Variants in TBC1D14 observed in about 807,000 individuals in gnomAD.
TBC1D14 encodes the protein TBC1 domain family member 14, also known as TBC1 domain family, member 14.
A neutral mutation model predicts 79.0 loss-of-function variants in TBC1D14; 26 were observed. The ratio of observed to expected loss-of-function variants is 0.33; its 90% confidence interval spans 0.24 to 0.46. The LOEUF (loss-of-function observed/expected upper bound fraction) is 0.46. TBC1D14 is among the 20% of genes least tolerant of loss of function. The probability of loss-of-function intolerance (pLI) is 1.00; values close to 1 mark genes in which losing one functional copy is unlikely to be tolerated. For missense variants in TBC1D14, 769 were observed against 887.6 expected, an observed-to-expected ratio of 0.87 and a Z score of 1.70; for synonymous variants, 394 against 349.9, an observed-to-expected ratio of 1.13 and a Z score of -1.40.
rs1169342413 is a variant in TBC1D14 at position 7,031,791 on chromosome 4, AC to A, written c.*1403del. 1 of 152,078 alleles carries A rather than the reference AC, an allele frequency of 6.6e-6. No homozygotes were observed. Among genetic ancestry groups the A allele is most frequent in the Non-Finnish European group, 1.5e-5 (1 of 68,158 alleles). 9.4% of individuals were successfully genotyped at this position (152,078 alleles called of 1,614,324 possible). On this transcript the variant is annotated 3_prime_UTR_variant, in exon 14 of 14. Transcript: ENST00000409757. ...ACGGCCCTTCTCAGCCACACTTCCC[AC>A]CCCAGGGGGTGCCCCCAGGCTGATC...
At chr4:6,956,360 A>C (rs1714638395) in intron 2 of TBC1D14, among the ~76,000 whole-genome samples, 1 of 152,170 alleles carries the variant, frequency 6.6e-6, no homozygotes, top group Admixed American at 6.6e-5. Context: ...CACATCTTCT[A>C]TTCCAAGAGA....
intron 2 of TBC1D14, among the ~76,000 whole-genome samples, chr4:6,936,909 T>A (rs562943231): frequency 9.3e-4 from 142 of 152,176 alleles, no homozygotes; most frequent in African/African-American, 2.9e-3. Context: ...TTTTTTTTTT[T>A]ATTTTTACTT....
rs553039279 is a variant in TBC1D14 at position 7,006,747 on chromosome 4, G to T, written c.1446+21G>T. The stretch of plus-strand genomic sequence containing the variant: ...AGCAAGTAAGTGGTGGTGACTTGTT[G>T]CTTTCAAGTATGTTTTGTCTAAAAT... On this transcript the variant is annotated intron_variant, in intron 9 of 13. Coordinates refer to ENST00000409757, the MANE Select transcript of TBC1D14 (RefSeq NM_020773.3). The T allele has an allele frequency of 1.9e-5, 30 of 1,598,388 alleles. No homozygotes were observed. In the South Asian group the frequency reaches 2.8e-4, roughly 15 times the overall value.
chr4:6,984,466 G>A (rs997405227), intron 3 of TBC1D14, among the ~76,000 whole-genome samples: 1 of 149,316 alleles, frequency 6.7e-6, no homozygotes, highest in Admixed American at 6.6e-5. Context: ...GTAATAATTC[G>A]GTGTGGTTTG....
intron 2 of TBC1D14, among the ~76,000 whole-genome samples, chr4:6,931,800 G>T (rs1361639740): frequency 6.6e-6 from 1 of 152,022 alleles, no homozygotes; most frequent in East Asian, 1.9e-4. Context: ...CTGAGCACCT[G>T]CCATATGCCA....
In TBC1D14 at chr4:7,032,333, A is replaced by G. The variant is rs1331864014; in HGVS notation, c.*1941A>G. ...CGTTCCGTTCCTTAAAGATGTATAT[A>G]TTTTCTTACTGTACATAAAGATGTT... On this transcript the variant is annotated 3_prime_UTR_variant, in exon 14 of 14. Transcript: ENST00000409757. The G allele has an allele frequency of 1.3e-5, 2 of 152,496 alleles. No individual in the cohort carries two copies. Among genetic ancestry groups the G allele is most frequent in the African/African-American group, 4.8e-5 (2 of 41,376 alleles). The allele number at this position is 152,496 out of a possible 1,614,324, so 9.4% of individuals were successfully genotyped here.
chr4:6,959,165 G>A (rs1405750581), intron 2 of TBC1D14, among the ~76,000 whole-genome samples: 2 of 152,146 alleles, frequency 1.3e-5, no homozygotes, highest in Non-Finnish European at 2.9e-5. Flanking sequence ...GATTACAGGC[G>A]TGAGCCACCG....
Position 6,996,315 on chromosome 4 carries a change from T to C in TBC1D14, c.963-10T>C. On this transcript the variant is annotated splice_polypyrimidine_tract_variant and intron_variant, in intron 4 of 13. Coordinates refer to ENST00000409757, the MANE Select transcript of TBC1D14 (RefSeq NM_020773.3). ...TTATAATGGTGAAAACTCATTTCTT[T>C]CCTGTCAAGAAATCTCCCAGCAAAA... 6.2e-7 allele frequency: 1 copy of C among 1,610,936 alleles called. No individual in the cohort carries two copies. The highest frequency in any genetic ancestry group is 8.5e-7 in the Non-Finnish European group (1 of 1,177,376).
intron 5 of TBC1D14, among the ~76,000 whole-genome samples, chr4:6,996,731 G>A (rs910513382): frequency 2.6e-5 from 4 of 152,184 alleles, no homozygotes; most frequent in Admixed American, 2.6e-4. Context: ...TCCCGGGCGG[G>A]CTGTAAAGCC....
Position 7,010,329 on chromosome 4 carries a change from A to G in TBC1D14, c.1519-324A>G, listed in dbSNP as rs149272591. Among the ~76,000 whole-genome samples the G allele has an allele frequency of 2.8e-3, 432 of 152,338 alleles. 1 individual carries two copies. Among genetic ancestry groups the G allele is most frequent in the African/African-American group, 9.5e-3 (393 of 41,576 alleles). ...TTTGATATTAAGCTTATTGAGATAG[A>G]TAACACAAGTCTACGGCACCGGGAC... On this transcript the variant is annotated intron_variant, in intron 10 of 13. Coordinates refer to ENST00000409757, the MANE Select transcript of TBC1D14 (RefSeq NM_020773.3).
intron 9 of TBC1D14, among the ~76,000 whole-genome samples, chr4:7,009,262 TC>T (rs981080868): frequency 2.0e-5 from 3 of 152,260 alleles, no homozygotes; most frequent in African/African-American, 7.2e-5. Context: ...TGCACTTTCT[TC>T]TGTGCTCCAT....
At chr4:6,973,237 A>G (rs1479658207) in intron 3 of TBC1D14, among the ~76,000 whole-genome samples, 1 of 152,066 alleles carries the variant, frequency 6.6e-6, no homozygotes, top group Non-Finnish European at 1.5e-5. Context: ...ATCCCAGAAG[A>G]AGGCAGATCC....
intron 3 of TBC1D14, among the ~76,000 whole-genome samples, chr4:6,984,053 T>A (rs1401320743): frequency 2.0e-5 from 3 of 151,160 alleles, no homozygotes; most frequent in Non-Finnish European, 4.4e-5. Context: ...TTTGTTCTTT[T>A]ACAGGTCTTT....
intron 8 of TBC1D14, 60 bp from the exon 9 acceptor site, chr4:7,006,572 C>G: frequency 3.4e-6 from 5 of 1,484,966 alleles, no homozygotes; most frequent in Non-Finnish European, 4.7e-6. Flanking sequence ...TTCAAAGGCT[C>G]GTAATTGTCC....
intron 3 of TBC1D14, among the ~76,000 whole-genome samples, chr4:6,993,464 G>A (rs1314507040): frequency 6.6e-6 from 1 of 152,088 alleles, no homozygotes; most frequent in Non-Finnish European, 1.5e-5. Context: ...AGATTTCCAG[G>A]GCATGGCAAA....
intron 9 of TBC1D14, 136 bp from the exon 10 acceptor site, chr4:7,009,741 C>A: frequency 1.1e-6 from 1 of 872,148 alleles, no homozygotes; most frequent in Non-Finnish European, 1.9e-6. Context: ...TATAGAGCTG[C>A]TGGCATCATG....
In TBC1D14 at chr4:6,923,995, C is replaced by A. The variant is rs150366946; in HGVS notation, c.606C>A (p.Asn202Lys). The A allele has an allele frequency of 6.2e-7, 1 of 1,614,146 alleles. No homozygotes were observed. Among genetic ancestry groups the A allele is most frequent in the Non-Finnish European group, 8.5e-7 (1 of 1,180,018 alleles). The change falls in exon 2 of 14, where the codon AAC becomes AAA. Residue 202 changes from asparagine (N) to lysine (K), a missense_variant. Asn to Lys is a moderately conservative substitution (Grantham distance 94). Around this residue, in one of 2 missense-constraint regions of TBC1D14, gnomAD observed 402 missense variants for 393.2 expected, o/e 1.02. Transcript: ENST00000409757. ...LENDDDPQFT[N>K]VTLSSIKETR... is the part of the protein sequence containing the mutation. ...ATGACGATGACCCACAGTTTACCAA[C>A]GTCACCTTGAGCTCTATCAAGGAAA...
In TBC1D14 at chr4:7,001,181, G is replaced by A; in HGVS notation, c.1200G>A (p.Gln400=). The A allele has an allele frequency of 5.6e-6, 9 of 1,614,166 alleles. No homozygotes were observed. Among genetic ancestry groups the A allele is most frequent in the Non-Finnish European group, 6.8e-6 (8 of 1,180,026 alleles). ...GAAAAGTTCGAGATTTATGGTGGCA[G>A]GGAATCCCTCCAAGTGTGAGAGGCA... is the stretch of plus-strand genomic sequence containing the variant. ...CSRKVRDLWW[Q]GIPPSVRGKV... is the part of the protein sequence containing the mutation. The change falls in exon 7 of 14, where the codon CAG becomes CAA. Residue 400 remains glutamine (Q), a synonymous_variant. Transcript: ENST00000409757.
At chr4:7,012,147 A>C (rs762368860) in intron 11 of TBC1D14, among the ~76,000 whole-genome samples, 23 of 151,874 alleles carry the variant, frequency 1.5e-4, no homozygotes, top group Non-Finnish European at 3.1e-4. Context: ...TAAAAATACA[A>C]AATAATTAGC....
Sources: gnomAD v4.1 joint callset for allele counts (sites outside exome capture counted in the v4.1 genomes callset) on GRCh38, gnomAD v4.1.1 for gene constraint, gnomAD v4.1.1 regional missense constraint, MANE v1.5 for transcripts, NCBI Gene and HGNC (gene_info 2026-07-23, HGNC 2026-07-21) for gene names.